The following FN1 variants were observed in gnomAD, a reference collection of about 807,000 sequenced individuals.
FN1 encodes fibronectin.
In FN1, 106 loss-of-function variants were observed where a neutral mutation model predicts 297.3. The ratio of observed to expected loss-of-function variants is 0.36; its 90% CI spans 0.30 to 0.42. The LOEUF (loss-of-function observed/expected upper bound fraction) is 0.42, where lower values mean the gene tolerates loss of function less well. FN1 is among the 10% of genes least tolerant of loss of function. The pLI, the probability that FN1 is intolerant of heterozygous loss-of-function variation, is 1.00. For missense variants in FN1, 2,690 were observed against 3,124.9 expected (o/e 0.86, Z 3.32); for synonymous variants, 1,149 against 1,152.6 (o/e 1.00, Z 0.06).
At chr2:215,411,186 C>G (rs541621191) in intron 13 of FN1, among the ~76,000 whole-genome samples, 1 of 152,130 alleles carries the variant, frequency 6.6e-6, no homozygotes, top group African/African-American at 2.4e-5. Context: ...ACATCCTGTT[C>G]AGCTTCATTA....
chr2:215,414,061 G>A (rs893565896), intron 13 of FN1, among the ~76,000 whole-genome samples: 1 of 152,108 alleles, frequency 6.6e-6, no homozygotes, highest in African/African-American at 2.4e-5. Context: ...AATTTTGTTT[G>A]TTTGTTTCTT....
intron 19 of FN1, 105 bp downstream of exon 19, chr2:215,406,129 CCTCT>C: frequency 1.7e-6 from 2 of 1,159,900 alleles, no homozygotes; most frequent in Non-Finnish European, 2.6e-6. Context: ...TGGGTATTTC[CCTCT>C]CTCTAAGCCA....
Position 215,435,708 on chromosome 2 carries a change from T to C in FN1, c.95A>G (p.Gln32Arg). Residue 32 changes from glutamine (Q) to arginine (R), a missense_variant, in exon 1 of 46, where the codon CAG (glutamine) becomes CGG (arginine). Physicochemically the swap from Gln to Arg is conservative, Grantham distance 43 (BLOSUM62 1). Transcript: ENST00000354785. ...PSTGASKSKR[Q>R]AQQMVQPQSP... ...CTGGGGCTGAACCATTTGCTGAGCC[T>C]GCCTCTTGCTCTTCGAGGCTCCCGT... 2 of 1,612,774 alleles carry C rather than the reference T, an allele frequency of 1.2e-6. No individual in the cohort carries two copies. The highest frequency in any genetic ancestry group is 1.7e-6 in the Non-Finnish European group (2 of 1,179,732).
intron 20 of FN1, 31 bp downstream of exon 20, chr2:215,404,357 AG>A (rs1468952245): frequency 1.3e-6 from 2 of 1,593,586 alleles, no homozygotes; most frequent in South Asian, 2.2e-5. Flanking sequence ...ATGTAAATAT[AG>A]TTAAGAAAAG....
intron 6 of FN1, among the ~76,000 whole-genome samples, chr2:215,427,666 CATATAAAGG>C (rs1216498703): frequency 2.0e-5 from 3 of 152,138 alleles, no homozygotes; most frequent in Non-Finnish European, 2.9e-5. Context: ...ATAGAAACCA[CATATAAAGG>C]ATGGTTTCCA....
intron 19 of FN1, among the ~76,000 whole-genome samples, chr2:215,405,441 C>T (rs35223740): frequency 1.3e-5 from 2 of 152,124 alleles, no homozygotes; most frequent in African/African-American, 2.4e-5. Flanking sequence ...GTATTCAATA[C>T]GGATACTAGT....
intron 5 of FN1, among the ~76,000 whole-genome samples, chr2:215,428,650 T>G (rs1362005950): frequency 2.0e-5 from 3 of 152,242 alleles, no homozygotes; most frequent in Non-Finnish European, 2.9e-5. Context: ...ATCTTTTTCC[T>G]TCTCAGGCTC....
Position 215,361,472 on chromosome 2 carries a change from T to C in FN1, c.*83A>G. The stretch of plus-strand genomic sequence containing the variant: ...GGGCTTAAGAAAGAAAGAAGAACTC[T>C]AAGCTGGGTCTGCTAACATCACTCC... On this transcript the variant is annotated 3_prime_UTR_variant, in exon 46 of 46. Transcript: ENST00000354785. 1 of 997,148 alleles carries C rather than the reference T, an allele frequency of 1.0e-6. No homozygotes were observed. Among genetic ancestry groups the C allele is most frequent in the African/African-American group, 1.6e-5 (1 of 63,228 alleles). 61.8% of individuals were successfully genotyped at this position (997,148 alleles called of 1,614,324 possible).
chr2:215,379,412 T>G, intron 33 of FN1, 95 bp from the exon 34 acceptor site: 1 of 1,148,156 alleles, frequency 8.7e-7, no homozygotes, highest in East Asian at 2.4e-5. Flanking sequence ...ATTGTTCTTG[T>G]TGGGCTAGGT....
chr2:215,401,156 T>TAAGA (rs67320688), intron 20 of FN1, among the ~76,000 whole-genome samples: 1 of 125,628 alleles, frequency 8.0e-6, no homozygotes, highest in East Asian at 2.6e-4. Context: ...GCACCAAAAA[T>TAAGA]AAGAAAGAAA....
At chr2:215,401,251 G>GAAAGAAAGAAAGA (rs1559475860) in intron 20 of FN1, among the ~76,000 whole-genome samples, 1 of 80,170 alleles carries the variant, frequency 1.2e-5, no homozygotes, top group African/African-American at 5.2e-5. Flanking sequence ...AGAAAGAAAG[G>GAAAGAAAGAAAGA]AAGAAAGAAA....
At chr2:215,416,379 G>A (rs2063433081) in intron 12 of FN1, among the ~76,000 whole-genome samples, 1 of 151,998 alleles carries the variant, frequency 6.6e-6, no homozygotes, top group African/African-American at 2.4e-5. Context: ...TAATCAATTG[G>A]CATAAGTCAA....
chr2:215,371,835 G>T lies in FN1; in HGVS notation c.6714+74C>A, dbSNP rs1036062618. 3.0e-6 allele frequency: 4 copies of T among 1,326,836 alleles called. No individual in the cohort carries two copies. The African/African-American group carries it at 5.8e-5, about 19-fold the overall frequency. 82.2% of individuals were successfully genotyped at this position (1,326,836 alleles called of 1,614,324 possible). On this transcript the variant is annotated intron_variant, in intron 40 of 45. Transcript: ENST00000354785. The stretch of plus-strand genomic sequence containing the variant: ...GCCATGAAGCCACTTTTTATTCGAG[G>T]GCTGGTCACTTCAGTTACCTAACTT...
chr2:215,434,987 A>G (rs2067212493), intron 1 of FN1, among the ~76,000 whole-genome samples, 163 bp from the exon 2 acceptor site: 1 of 152,226 alleles, frequency 6.6e-6, no homozygotes, highest in African/African-American at 2.4e-5. Context: ...TCTACATAAA[A>G]AAGTTGGAAA....
At position 215,399,369 on chromosome 2, in the gene FN1, T is replaced by G; in HGVS notation, c.3254-18A>C. On this transcript the variant is annotated intron_variant, in intron 20 of 45. Coordinates refer to ENST00000354785, the MANE Select transcript of FN1 (RefSeq NM_212482.4). ...AGGCTGCACTGTGAGAGAGAATCAA[T>G]GCACATATTCAAAACTCAAACTCAC... 6.4e-7 allele frequency: 1 copy of G among 1,553,390 alleles called. No homozygotes were observed. The highest frequency in any genetic ancestry group is 1.1e-5 in the South Asian group (1 of 89,860).
chr2:215,430,074 A>G (rs973625241), intron 5 of FN1, among the ~76,000 whole-genome samples: 2 of 152,242 alleles, frequency 1.3e-5, no homozygotes, highest in Non-Finnish European at 2.9e-5. Context: ...GATGATGGCT[A>G]TGTTAAAGGT....
Position 215,379,311 on chromosome 2 carries a change from G to GTAT in FN1, c.5440_5441insATA (p.Pro1814delinsHisThr), listed in dbSNP as rs2057846575. The GTAT allele has an allele frequency of 6.2e-7, 1 of 1,614,002 alleles. No homozygotes were observed. On this transcript the variant is annotated protein_altering_variant, in exon 34 of 46. Transcript: ENST00000354785. ...AGTGAACTTCAGGTCAGTTGGTGCA[G>GTAT]GAATAGCTGTCGAGATTGTCATTGG... is the stretch of plus-strand genomic sequence containing the variant.
In FN1 at chr2:215,372,026, A is replaced by ATTTGT. The variant is rs759934210; in HGVS notation, c.6596_6597insACAAA (p.Asn2199LysfsTer54). ...AGAGAGCTTCTTGTCCTGTAGAGGCATTTGGATTGAGTCCCGGACCGTGTG... is the reference window on the plus strand; with the variant it reads ...AGAGAGCTTCTTGTCCTGTAGAGGCATTTGTTTTGGATTGAGTCCCGGACCGTGTG... On this transcript the variant is annotated frameshift_variant, in exon 40 of 46. Coordinates refer to ENST00000354785, the MANE Select transcript of FN1 (RefSeq NM_212482.4). LOFTEE classifies it high-confidence loss of function. 6.2e-7 allele frequency: 1 copy of ATTTGT among 1,614,230 alleles called. No homozygotes were observed.
At position 215,393,130 on chromosome 2, in the gene FN1, T is replaced by C; in HGVS notation, c.3870A>G (p.Leu1290=). 1 of 1,614,078 alleles carries C rather than the reference T, an allele frequency of 6.2e-7. No individual in the cohort carries two copies. Among genetic ancestry groups the C allele is most frequent in the Non-Finnish European group, 8.5e-7 (1 of 1,180,012 alleles). ...DSSIGLRWTP[L]NSSTIIGYRI... ...GGTACCCAATAATGGTGGAAGAGTT[T>C]AGCGGGGTCCACCTCAGGCCGATGC... Residue 1290 remains leucine (L), a synonymous_variant, in exon 25 of 46, where the codon CTA becomes CTG. Transcript: ENST00000354785.
Sources: gnomAD v4.1 joint callset for allele counts (sites outside exome capture counted in the v4.1 genomes callset) on GRCh38, gnomAD v4.1.1 for gene constraint, MANE v1.5 for transcripts, NCBI Gene and HGNC (gene_info 2026-07-23, HGNC 2026-07-21) for gene names.